Variants in HAS3 observed in about 807,000 individuals in gnomAD.
The protein encoded by HAS3 is HA synthase 3.
In HAS3, 27 loss-of-function variants were observed where a neutral mutation model predicts 50.3. That is an observed-to-expected ratio of 0.54 (90% CI 0.40 to 0.74). The LOEUF is 0.74. Ranked by LOEUF, HAS3 falls within the 30% of genes least tolerant of loss-of-function variation. The probability of loss-of-function intolerance (pLI) is 0.00; values close to 1 mark genes in which losing one functional copy is unlikely to be tolerated. For synonymous variants in HAS3, 339 were observed against 310.9 expected (o/e 1.09, Z -0.95); for missense variants, 517 against 742.8 (o/e 0.70, Z 3.53).
chr16:69,090,609 C>T, the HAS3 span, among the ~76,000 whole-genome samples: 3 of 152,082 alleles, frequency 2.0e-5, no homozygotes, highest in African/African-American at 7.2e-5. Flanking sequence ...GCTCTGTTGT[C>T]CAGGCTGGAG....
At chr16:69,104,561 G>A (rs1407481775), upstream of HAS3, among the ~76,000 whole-genome samples, 1 of 152,200 alleles carries the variant, frequency 6.6e-6, no homozygotes, top group Non-Finnish European at 1.5e-5. Context: ...CTCCCAGAGT[G>A]TTGGGATTAC....
At chr16:69,102,944 C>T (rs1038460307), upstream of HAS3, among the ~76,000 whole-genome samples, 1 of 151,940 alleles carries the variant, frequency 6.6e-6, no homozygotes, top group Non-Finnish European at 1.5e-5. Context: ...AGGTCACTTA[C>T]AAGCAGCCAG....
chr16:69,116,747 A>G lies in HAS3; in HGVS notation c.*1481A>G. 1.0e-6 allele frequency: 1 copy of G among 985,358 alleles called. No homozygotes were observed. The highest frequency in any genetic ancestry group is 1.2e-6 in the Non-Finnish European group (1 of 829,896). The allele number at this position is 985,358 out of a possible 1,614,324, so 61.0% of individuals were successfully genotyped here. A position where few individuals can be genotyped will look rare whatever the true frequency, so the allele number is the denominator to read the frequency against. The stretch of plus-strand genomic sequence containing the variant: ...GGGAAGCCATTTTCCAGTGACTTGC[A>G]ATCCAGGCTGTTCTCAGCGTTTTGA... On this transcript the variant is annotated 3_prime_UTR_variant, in exon 4 of 4. Transcript: ENST00000569188.
At chr16:69,113,929 C>T (rs773251586) in intron 3 of HAS3, among the ~76,000 whole-genome samples, 1 of 152,146 alleles carries the variant, frequency 6.6e-6, no homozygotes, top group Non-Finnish European at 1.5e-5. Flanking sequence ...AGAATAAGGG[C>T]CCCAATCTGC....
At chr16:69,112,170 A>G (rs1177724314) in intron 2 of HAS3, among the ~76,000 whole-genome samples, 1 of 152,272 alleles carries the variant, frequency 6.6e-6, no homozygotes, top group Non-Finnish European at 1.5e-5. Context: ...TGAAGGAAGC[A>G]AAGCAGCATA....
chr16:69,117,254 T>C lies in HAS3; in HGVS notation c.*1988T>C. The stretch of plus-strand genomic sequence containing the variant: ...GGCTTGTTTTTCTTCAGCATTTACT[T>C]GAAGATTAATGTAGGATGACAGGCT... On this transcript the variant is annotated 3_prime_UTR_variant, in exon 4 of 4. Coordinates refer to ENST00000569188, the MANE Select transcript of HAS3 (RefSeq NM_001199280.2). 1.0e-6 allele frequency: 1 copy of C among 985,862 alleles called. No homozygotes were observed. Among genetic ancestry groups the C allele is most frequent in the Non-Finnish European group, 1.2e-6 (1 of 829,904 alleles). The allele number at this position is 985,862 out of a possible 1,614,324, so 61.1% of individuals were successfully genotyped here.
chr16:69,100,204 T>C, the HAS3 span, among the ~76,000 whole-genome samples: 1 of 152,130 alleles, frequency 6.6e-6, no homozygotes, highest in Non-Finnish European at 1.5e-5. Flanking sequence ...GAGGGGAAAG[T>C]TATGAAAGAA....
chr16:69,117,046 C>T lies in HAS3; in HGVS notation c.*1780C>T. ...CTAACAGTTGCCACATCACACAGACCTCGAGTTTCTGGTAAGACTGCTGGT... is the reference window on the plus strand; with the variant it reads ...CTAACAGTTGCCACATCACACAGACTTCGAGTTTCTGGTAAGACTGCTGGT... On this transcript the variant is annotated 3_prime_UTR_variant, in exon 4 of 4. Transcript: ENST00000569188. 1 of 985,442 alleles carries T rather than the reference C, an allele frequency of 1.0e-6. No individual in the cohort carries two copies. Among genetic ancestry groups the T allele is most frequent in the South Asian group, 4.7e-5 (1 of 21,290 alleles). 61.0% of individuals were successfully genotyped at this position (985,442 alleles called of 1,614,324 possible).
rs768811953 is a variant in HAS3 at position 69,113,452 on chromosome 16, T to A, written c.648T>A (p.Ser216=). ...CACTCCCTCTGCAGGTGTGCGACTCTGACACTGTGCTGGATCCAGCCTGCA... is the reference window on the plus strand; with the variant it reads ...CACTCCCTCTGCAGGTGTGCGACTCAGACACTGTGCTGGATCCAGCCTGCA... The part of the protein sequence containing the change: ...DSVDYIQVCD[S]DTVLDPACTI... Residue 216 remains serine, a synonymous_variant, in exon 3 of 4, where the codon TCT becomes TCA. Transcript: ENST00000569188. 4.3e-6 allele frequency: 7 copies of A among 1,613,228 alleles called. No individual in the cohort carries two copies. Among genetic ancestry groups the A allele is most frequent in the Non-Finnish European group, 5.9e-6 (7 of 1,179,298 alleles).
At position 69,107,835 on chromosome 16, in the gene HAS3, G is replaced by GA. The variant is rs1468540086; in HGVS notation, c.1-1560dup. ...AGGAAGCACACGGCGGGCTCCCCGGGACGGTGGGGCAGAGCGCCCGGAGGC... is the reference window on the plus strand; with the variant it reads ...AGGAAGCACACGGCGGGCTCCCCGGGAACGGTGGGGCAGAGCGCCCGGAGGC... On this transcript the variant is annotated intron_variant, in intron 1 of 3. Transcript: ENST00000569188. The surrounding 1 kb of genome is among the most constrained non-coding windows in gnomAD (Gnocchi z 5.5). The GA allele has an allele frequency of 1.8e-5, 9 of 511,966 alleles. No individual in the cohort carries two copies. The highest frequency in any genetic ancestry group is 2.3e-5 in the Non-Finnish European group (9 of 396,920). 31.7% of individuals were successfully genotyped at this position (511,966 alleles called of 1,614,324 possible). A position where few individuals can be genotyped will look rare whatever the true frequency, so the allele number is the denominator to read the frequency against.
At chr16:69,105,106 C>A (rs921416620), upstream of HAS3, among the ~76,000 whole-genome samples, 2 of 139,074 alleles carry the variant, frequency 1.4e-5, no homozygotes, top group Non-Finnish European at 3.0e-5. Context: ...CTGCGGGGTT[C>A]AAGCGATTCT....
the HAS3 span, chr16:69,083,829 C>T: frequency 3.0e-6 from 2 of 667,408 alleles, no homozygotes; most frequent in Admixed American, 5.9e-5. Flanking sequence ...CTTCCGAGGG[C>T]ATGTGTTCAG....
chr16:69,086,861 G>A, the HAS3 span, among the ~76,000 whole-genome samples: 7 of 152,132 alleles, frequency 4.6e-5, no homozygotes, highest in African/African-American at 1.7e-4. Flanking sequence ...CCGAGATTGC[G>A]CCATTGCACT....
At chr16:69,093,010 T>C in the HAS3 span, among the ~76,000 whole-genome samples, 1 of 152,152 alleles carries the variant, frequency 6.6e-6, no homozygotes, top group East Asian at 1.9e-4. Flanking sequence ...GTGGCCAAGA[T>C]AGTAAACATC....
At chr16:69,103,991 C>T (rs556099771), upstream of HAS3, among the ~76,000 whole-genome samples, 2 of 152,324 alleles carry the variant, frequency 1.3e-5, no homozygotes, top group South Asian at 4.1e-4. Context: ...CTGGTAGGGC[C>T]CCTCAGGCCA....
rs1330728379 is a variant in HAS3 at position 69,114,920 on chromosome 16, T to C, written c.1316T>C (p.Met439Thr). 3 of 1,614,016 alleles carry C rather than the reference T, an allele frequency of 1.9e-6. No homozygotes were observed. The highest frequency in any genetic ancestry group is 2.5e-6 in the Non-Finnish European group (3 of 1,180,054). The change falls in exon 4 of 4, where the codon ATG becomes ACG. Residue 439 changes from methionine (M) to threonine (T), a missense_variant. Coordinates refer to ENST00000569188, the MANE Select transcript of HAS3 (RefSeq NM_001199280.2). The surrounding 1 kb of genome is among the most constrained non-coding windows in gnomAD (Gnocchi z 6.4). ...CGGGGCAATGCAGAGATGATCTTCA[T>C]GTCCCTCTACTCCCTCCTCTATATG... is the stretch of plus-strand genomic sequence containing the variant. ...FLRGNAEMIF[M>T]SLYSLLYMSS... is the part of the protein sequence containing the mutation.
chr16:69,097,613 C>A, the HAS3 span, among the ~76,000 whole-genome samples: 3 of 152,152 alleles, frequency 2.0e-5, no homozygotes, highest in Non-Finnish European at 4.4e-5. Flanking sequence ...GCTTACAATG[C>A]GCACAGGAGA....
chr16:69,083,621 C>G, the HAS3 span: 4 of 1,576,734 alleles, frequency 2.5e-6, no homozygotes, highest in Non-Finnish European at 3.4e-6. Context: ...TTCCTGTTCC[C>G]TCCACAGAAG....
the HAS3 span, chr16:69,083,755 G>A: frequency 1.4e-6 from 2 of 1,386,562 alleles, no homozygotes; most frequent in Non-Finnish European, 1.9e-6. Flanking sequence ...CCTCTTGAGT[G>A]CTGGCAGCAT....
Sources: gnomAD v4.1 joint callset for allele counts (sites outside exome capture counted in the v4.1 genomes callset) on GRCh38, gnomAD v4.1.1 for gene constraint, Gnocchi (gnomAD v3.1) non-coding constraint, MANE v1.5 for transcripts, NCBI Gene and HGNC (gene_info 2026-07-23, HGNC 2026-07-21) for gene names.